LRP1B: variants seen among roughly 807,000 people sequenced by gnomAD.
LRP1B encodes LDL receptor related protein 1B.
A neutral mutation model predicts 556.6 loss-of-function variants in LRP1B; 217 were observed. The ratio of observed to expected loss-of-function variants is 0.39; its 90% CI spans 0.35 to 0.44. The LOEUF (loss-of-function observed/expected upper bound fraction) is 0.44, where lower values mean the gene tolerates loss of function less well. Ranked by LOEUF, LRP1B falls within the 20% of genes least tolerant of loss-of-function variation. The probability of loss-of-function intolerance (pLI) is 1.00; values close to 1 mark genes in which losing one functional copy is unlikely to be tolerated. For missense variants in LRP1B, 5,053 were observed against 5,620.8 expected (o/e 0.90, Z 3.23); for synonymous variants, 2,047 against 1,865.8 (o/e 1.10, Z -2.50).
intron 7 of LRP1B, among the ~76,000 whole-genome samples, chr2:141,186,480 G>T (rs993390959): frequency 3.9e-5 from 6 of 151,968 alleles, no homozygotes; most frequent in Non-Finnish European, 7.4e-5. Context: ...GAGAAAAATA[G>T]AATGTATTTT....
chr2:142,044,107 C>T (rs561893899), intron 1 of LRP1B, among the ~76,000 whole-genome samples: 13 of 151,806 alleles, frequency 8.6e-5, no homozygotes, highest in Admixed American at 7.2e-4. Flanking sequence ...AAACTTTAGA[C>T]TTAATTCTTA....
At chr2:140,285,382 C>CAT (rs1194894606) in intron 84 of LRP1B, among the ~76,000 whole-genome samples, 128 of 146,904 alleles carry the variant, frequency 8.7e-4, no homozygotes, top group East Asian at 5.6e-3. Context: ...TATATACACA[C>CAT]ATATATATAT....
chr2:140,597,020 C>A (rs1205678234), intron 43 of LRP1B, among the ~76,000 whole-genome samples: 1 of 152,132 alleles, frequency 6.6e-6, no homozygotes, highest in Non-Finnish European at 1.5e-5. Flanking sequence ...CCTAAATTAA[C>A]TTTTGCAAAA....
At chr2:140,327,899 TTA>T (rs1680575650) in intron 79 of LRP1B, among the ~76,000 whole-genome samples, 1 of 152,120 alleles carries the variant, frequency 6.6e-6, no homozygotes, top group African/African-American at 2.4e-5. Flanking sequence ...ATAACAAAGT[TTA>T]TGGATGAATG....
At chr2:141,342,959 A>T (rs1011507160) in intron 3 of LRP1B, among the ~76,000 whole-genome samples, 17 of 152,152 alleles carry the variant, frequency 1.1e-4, no homozygotes, top group Non-Finnish European at 2.2e-4. Context: ...AAAAAATGTT[A>T]AGGGCAGCCA....
chr2:141,494,484 C>G (rs549408173), intron 2 of LRP1B, among the ~76,000 whole-genome samples: 6 of 151,900 alleles, frequency 3.9e-5, no homozygotes, highest in African/African-American at 1.4e-4. Context: ...ACTACAGGGC[C>G]TTTGAGTGAG....
intron 1 of LRP1B, among the ~76,000 whole-genome samples, chr2:141,968,507 CA>C (rs1224475154): frequency 1.3e-5 from 2 of 151,162 alleles, no homozygotes; most frequent in Non-Finnish European, 3.0e-5. Flanking sequence ...TGTAAATATG[CA>C]AAATAAGAAA....
At chr2:141,394,533 C>A (rs2104911915) in intron 3 of LRP1B, among the ~76,000 whole-genome samples, 1 of 152,084 alleles carries the variant, frequency 6.6e-6, no homozygotes, top group African/African-American at 2.4e-5. Context: ...CTTTGCATAG[C>A]CAACAGGGGT....
At chr2:141,665,533 C>A (rs898803740) in intron 2 of LRP1B, among the ~76,000 whole-genome samples, 11 of 152,102 alleles carry the variant, frequency 7.2e-5, no homozygotes, top group African/African-American at 2.4e-4. Flanking sequence ...CCCCAAAGAC[C>A]TGGAACCAGA....
At chr2:140,544,020 TAAAG>T (rs1680232619) in intron 43 of LRP1B, among the ~76,000 whole-genome samples, 1 of 152,080 alleles carries the variant, frequency 6.6e-6, no homozygotes, top group East Asian at 1.9e-4. Flanking sequence ...AAATCCTAAA[TAAAG>T]AGACGTATGG....
Position 140,585,014 on chromosome 2 carries a change from T to C in LRP1B, c.7194+13617A>G, listed in dbSNP as rs574337100. Among the ~76,000 whole-genome samples, 7 of 152,232 alleles carry C rather than the reference T, an allele frequency of 4.6e-5. No individual in the cohort carries two copies. In the South Asian group the frequency reaches 1.5e-3, roughly 32 times the overall value. ...ACATAGCAATGCATCAGACTTTGGG[T>C]ATATTGCTTTTGGAGATACAAAGAT... On this transcript the variant is annotated intron_variant, in intron 43 of 90. Coordinates refer to ENST00000389484, the MANE Select transcript of LRP1B (RefSeq NM_018557.3).
chr2:141,517,275 C>CACACATACACACACACACACAT (rs1487358436), intron 2 of LRP1B, among the ~76,000 whole-genome samples: 1 of 151,362 alleles, frequency 6.6e-6, no homozygotes, highest in Admixed American at 6.6e-5. Flanking sequence ...CACACACAGA[C>CACACATACACACACACACACAT]ACACACACAC....
intron 11 of LRP1B, among the ~76,000 whole-genome samples, chr2:141,043,609 C>A (rs1376928071): frequency 6.6e-6 from 1 of 151,826 alleles, no homozygotes; most frequent in East Asian, 1.9e-4. Flanking sequence ...CTTTTTAATA[C>A]TTTAAAAATA....
At chr2:141,702,287 C>T (rs1406197173) in intron 2 of LRP1B, among the ~76,000 whole-genome samples, 1 of 151,794 alleles carries the variant, frequency 6.6e-6, no homozygotes, top group East Asian at 1.9e-4. Flanking sequence ...ATGAGGGAAA[C>T]AGGTGAAGTA....
intron 23 of LRP1B, among the ~76,000 whole-genome samples, chr2:140,888,172 T>G (rs1165851628): frequency 6.6e-6 from 1 of 152,144 alleles, no homozygotes; most frequent in Non-Finnish European, 1.5e-5. Context: ...TTTAGAGTCA[T>G]TCCTATAACC....
chr2:140,242,650 T>C (rs1296514111), intron 87 of LRP1B, among the ~76,000 whole-genome samples: 1 of 150,960 alleles, frequency 6.6e-6, no homozygotes, highest in African/African-American at 2.4e-5. Flanking sequence ...ATAAAGGAGG[T>C]GCCTCCAACT....
chr2:141,097,023 G>T (rs1315490262), intron 7 of LRP1B, among the ~76,000 whole-genome samples: 6 of 152,132 alleles, frequency 3.9e-5, no homozygotes, highest in Admixed American at 2.0e-4. Flanking sequence ...TTGAGGATAG[G>T]CACATTGGTA....
At chr2:141,256,503 A>G (rs972839808) in intron 3 of LRP1B, among the ~76,000 whole-genome samples, 8 of 152,070 alleles carry the variant, frequency 5.3e-5, no homozygotes, top group Non-Finnish European at 1.2e-4. Flanking sequence ...CAGTAGTGAT[A>G]CATTCTGACT....
At chr2:141,730,217 G>A (rs944974870) in intron 2 of LRP1B, among the ~76,000 whole-genome samples, 4 of 152,112 alleles carry the variant, frequency 2.6e-5, no homozygotes, top group African/African-American at 7.2e-5. Flanking sequence ...TGCAAGAGAC[G>A]GAGAAGAGGG....
Sources: allele counts gnomAD v4.1 joint callset (sites outside exome capture counted in the v4.1 genomes callset), GRCh38; gene constraint gnomAD v4.1.1; transcripts MANE v1.5; gene names NCBI Gene and HGNC (gene_info 2026-07-23, HGNC 2026-07-21).